Variants in RPRD1B observed in about 807,000 individuals in gnomAD.
The protein encoded by RPRD1B is regulation of nuclear pre-mRNA domain-containing protein 1B.
In RPRD1B, 11 loss-of-function variants were observed where a neutral mutation model predicts 41.5. That is an observed-to-expected ratio of 0.27 (90% confidence interval 0.17 to 0.44). The LOEUF is 0.44. RPRD1B is among the 20% of genes least tolerant of loss of function. The pLI is 1.00. For synonymous variants in RPRD1B, 158 were observed against 155.6 expected, an observed-to-expected ratio of 1.02 and a Z score of -0.12; for missense variants, 248 against 389.9, an observed-to-expected ratio of 0.64 and a Z score of 3.06.
At position 38,066,084 on chromosome 20, in the gene RPRD1B, A is replaced by G. The variant is rs1454573645; in HGVS notation, c.659A>G (p.Lys220Arg). 6.2e-7 allele frequency: 1 copy of G among 1,614,086 alleles called. No homozygotes were observed. The highest frequency in any genetic ancestry group is 1.7e-5 in the Admixed American group (1 of 60,022). The change falls in exon 6 of 7, where the codon AAA (lysine) becomes AGA (arginine). Residue 220 changes from lysine (K) to arginine (R), a missense_variant. Lys to Arg is a conservative substitution (Grantham distance 26, BLOSUM62 2). Transcript: ENST00000373433. ...DVSLLEKITD[K>R]EAAERLSKTV... ...TTTTGGTCTCATTTGTACTTAGACA[A>G]AGAGGCAGCTGAACGTCTTTCAAAA...
At chr20:38,053,681 ATTAAT>A (rs1305929796) in intron 3 of RPRD1B, among the ~76,000 whole-genome samples, 1 of 152,232 alleles carries the variant, frequency 6.6e-6, no homozygotes, top group Non-Finnish European at 1.5e-5. Flanking sequence ...CTTTAGGAAG[ATTAAT>A]TTAATAACAG....
chr20:38,051,108 T>C (rs1381619064), intron 3 of RPRD1B, among the ~76,000 whole-genome samples: 1 of 152,242 alleles, frequency 6.6e-6, no homozygotes, highest in Non-Finnish European at 1.5e-5. Context: ...CATTAGAGAA[T>C]GCATGAGCTT....
intron 5 of RPRD1B, 96 bp from the exon 6 acceptor site, chr20:38,065,985 T>C: frequency 8.3e-7 from 1 of 1,206,872 alleles, no homozygotes; most frequent in Non-Finnish European, 1.2e-6. Context: ...ACTCTGTATA[T>C]TGGGAGAGAA....
chr20:38,079,212 G>A (rs569309104), intron 6 of RPRD1B, among the ~76,000 whole-genome samples: 5 of 151,886 alleles, frequency 3.3e-5, no homozygotes, highest in Non-Finnish European at 2.9e-5. Context: ...TTATATCCTA[G>A]GCACATGGAA....
chr20:38,054,483 T>A (rs1280556878), intron 3 of RPRD1B, among the ~76,000 whole-genome samples: 2 of 152,150 alleles, frequency 1.3e-5, no homozygotes, highest in East Asian at 3.8e-4. Context: ...TAAAGATAAC[T>A]CCAGATAATG....
At chr20:38,045,321 C>T (rs75890757) in intron 2 of RPRD1B, among the ~76,000 whole-genome samples, 3,711 of 152,228 alleles carry the variant, frequency 0.024, 156 homozygotes, top group African/African-American at 0.084. Context: ...TGTTATAAAA[C>T]GGCTTTATTA....
At chr20:38,062,590 A>G (rs922037236) in intron 5 of RPRD1B, among the ~76,000 whole-genome samples, 1 of 152,138 alleles carries the variant, frequency 6.6e-6, no homozygotes, top group Non-Finnish European at 1.5e-5. Context: ...CAAAACCAGC[A>G]TCTGATATCC....
rs528611927 is a variant in RPRD1B, at chr20:38,089,162, G to T, written c.832-564G>T. ...TGGTGGCATTTTAGGAGCCCTAGGG[G>T]TCAGGAGGCCTAACCAGGGACTTAC... On this transcript the variant is annotated intron_variant, in intron 6 of 6. Transcript: ENST00000373433. Among the ~76,000 whole-genome samples the T allele has an allele frequency of 2.0e-5, 3 of 152,258 alleles. No homozygotes were observed. The South Asian group carries it at 6.2e-4, about 32-fold the overall frequency.
At chr20:38,042,275 G>A (rs748076794) in intron 2 of RPRD1B, among the ~76,000 whole-genome samples, 14 of 152,118 alleles carry the variant, frequency 9.2e-5, no homozygotes, top group Non-Finnish European at 1.8e-4. Flanking sequence ...GATTGCTTGA[G>A]CCCAGGAGTT....
chr20:38,062,838 CT>C (rs1555801162), intron 5 of RPRD1B, among the ~76,000 whole-genome samples: 4,239 of 84,266 alleles, frequency 0.05, 678 homozygotes, highest in African/African-American at 0.22. Flanking sequence ...GCCCCCCCCC[CT>C]TTTTTTTTTT....
chr20:38,055,684 A>G (rs2074233122), intron 3 of RPRD1B, among the ~76,000 whole-genome samples: 1 of 152,086 alleles, frequency 6.6e-6, no homozygotes, highest in Admixed American at 6.5e-5. Flanking sequence ...TTTGTTCCAC[A>G]TTTGTCTTTA....
In RPRD1B at chr20:38,033,918, C is replaced by T. The variant is rs1395839930; in HGVS notation, c.-30C>T. On this transcript the variant is annotated 5_prime_UTR_variant, in exon 1 of 7. Coordinates refer to ENST00000373433, the MANE Select transcript of RPRD1B (RefSeq NM_021215.4). ...TCCCGCCGCACTGGGCGGCCCAGGC[C>T]GCTCCCTGCCGGGCCTCACTGCCGC... The T allele has an allele frequency of 6.3e-7, 1 of 1,587,838 alleles. No individual in the cohort carries two copies. Among genetic ancestry groups the T allele is most frequent in the African/African-American group, 1.3e-5 (1 of 74,438 alleles).
intron 1 of RPRD1B, among the ~76,000 whole-genome samples, chr20:38,038,496 T>TTCG (rs1568641420): frequency 7.8e-5 from 9 of 114,974 alleles, no homozygotes; most frequent in Non-Finnish European, 1.6e-4. Flanking sequence ...TTTTGTTTTT[T>TTCG]TTTTTTTTTT....
Position 38,033,914 on chromosome 20 carries a change from AGGCCGCTCCCTGCCG to A in RPRD1B, c.-29_-15del. 1 of 1,584,828 alleles carries A rather than the reference AGGCCGCTCCCTGCCG, an allele frequency of 6.3e-7. No individual in the cohort carries two copies. The highest frequency in any genetic ancestry group is 8.6e-7 in the Non-Finnish European group (1 of 1,164,642). ...CTCTTCCCGCCGCACTGGGCGGCCC[AGGCCGCTCCCTGCCG>A]GGCCTCACTGCCGCCACCATGTCCT... On this transcript the variant is annotated 5_prime_UTR_variant, in exon 1 of 7. Coordinates refer to ENST00000373433, the MANE Select transcript of RPRD1B (RefSeq NM_021215.4).
chr20:38,061,078 A>T (rs1568653220), intron 5 of RPRD1B, among the ~76,000 whole-genome samples: 1 of 152,230 alleles, frequency 6.6e-6, no homozygotes, highest in Non-Finnish European at 1.5e-5. Context: ...ACTGACCTAA[A>T]GGTCTCATGT....
chr20:38,070,309 A>G, intron 6 of RPRD1B: 1 of 985,436 alleles, frequency 1.0e-6, no homozygotes, highest in African/African-American at 1.7e-5. Context: ...ATCTGTGGGT[A>G]ATGTTTTTGT....
At chr20:38,058,259 G>T (rs758529224) in intron 4 of RPRD1B, among the ~76,000 whole-genome samples, 28 of 152,214 alleles carry the variant, frequency 1.8e-4, no homozygotes, top group Middle Eastern at 6.8e-3. Flanking sequence ...GCGGGGGCGG[G>T]GGGGGCTTCA....
At chr20:38,054,737 T>G (rs2074222544) in intron 3 of RPRD1B, among the ~76,000 whole-genome samples, 1 of 152,244 alleles carries the variant, frequency 6.6e-6, no homozygotes, top group South Asian at 2.1e-4. Flanking sequence ...TTTGTAATTT[T>G]TTTCTACCTT....
intron 2 of RPRD1B, among the ~76,000 whole-genome samples, chr20:38,047,687 A>C (rs1317989122): frequency 6.6e-6 from 1 of 152,110 alleles, no homozygotes; most frequent in Non-Finnish European, 1.5e-5. Flanking sequence ...TCAGGAGTTA[A>C]CATGTCAGGG....
Sources: allele counts gnomAD v4.1 joint callset (sites outside exome capture counted in the v4.1 genomes callset), GRCh38; gene constraint gnomAD v4.1.1; transcripts MANE v1.5; gene names NCBI Gene and HGNC (gene_info 2026-07-23, HGNC 2026-07-21).